COL4A4: variants seen among roughly 807,000 people sequenced by gnomAD.
The protein encoded by COL4A4 is collagen alpha-4(IV) chain.
In COL4A4, 105 loss-of-function variants were observed where a neutral mutation model predicts 192.9. The observed-to-expected ratio is 0.54, with a 90% confidence interval of 0.46 to 0.64. The LOEUF (loss-of-function observed/expected upper bound fraction) is 0.64. Ranked by LOEUF, COL4A4 falls within the 30% of genes least tolerant of loss-of-function variation. The probability of loss-of-function intolerance (pLI) is 0.00; values close to 1 mark genes in which losing one functional copy is unlikely to be tolerated. For missense variants in COL4A4, 1,967 were observed against 2,169.3 expected (o/e 0.91, Z 1.85); for synonymous variants, 762 against 769.9 (o/e 0.99, Z 0.17).
Position 227,005,044 on chromosome 2 carries a change from G to T in COL4A4, c.*2281C>A, listed in dbSNP as rs907555798. 3.9e-5 allele frequency: 6 copies of T among 152,142 alleles called. No homozygotes were observed. The East Asian group carries it at 1.2e-3, about 29-fold the overall frequency. 9.4% of individuals were successfully genotyped at this position (152,142 alleles called of 1,614,324 possible). A position where few individuals can be genotyped will look rare whatever the true frequency, so the allele number is the denominator to read the frequency against. On this transcript the variant is annotated 3_prime_UTR_variant, in exon 48 of 48. Coordinates refer to ENST00000396625, the MANE Select transcript of COL4A4 (RefSeq NM_000092.5). ...TTCTATTCCAAGAAGTTATTTTTCC[G>T]CCCTTTTGATCCTTTAAAATACTTT...
chr2:227,090,954 C>G (rs2150633983), intron 20 of COL4A4, among the ~76,000 whole-genome samples: 1 of 149,072 alleles, frequency 6.7e-6, no homozygotes, highest in African/African-American at 2.4e-5. Context: ...AGAAATGTCT[C>G]CTAAATTTCA....
intron 25 of COL4A4, among the ~76,000 whole-genome samples, chr2:227,073,671 C>T (rs1277664066): frequency 1.3e-5 from 2 of 152,096 alleles, no homozygotes; most frequent in African/African-American, 4.8e-5. Context: ...GTTACCAAAA[C>T]AGCATGGTAC....
downstream of COL4A4, among the ~76,000 whole-genome samples, chr2:227,002,434 G>T (rs1961220410): frequency 6.6e-6 from 1 of 152,222 alleles, no homozygotes; most frequent in South Asian, 2.1e-4. Flanking sequence ...GGCCAAGAGG[G>T]TGTAAGCCCC....
At chr2:227,090,481 G>A (rs1232324709) in intron 20 of COL4A4, among the ~76,000 whole-genome samples, 1 of 152,120 alleles carries the variant, frequency 6.6e-6, no homozygotes, top group Admixed American at 6.5e-5. Context: ...TGGTGCGATG[G>A]CTCACACCTG....
chr2:227,047,256 G>A (rs1295649944), intron 35 of COL4A4, among the ~76,000 whole-genome samples: 1 of 151,964 alleles, frequency 6.6e-6, no homozygotes, highest in African/African-American at 2.4e-5. Context: ...GAGCCATGAT[G>A]GAAAAATGAT....
Position 227,118,747 on chromosome 2 carries a change from AG to A in COL4A4, c.386del (p.Pro129LeufsTer10). ...GLDGIPGHPG[P>X]PGPRGKPGMS... ...TACCAGGTTTGCCTCTGGGTCCAGG[AG>A]GCCCTGGGTGCCCCTGCAGAAAACA... On this transcript the variant is annotated frameshift_variant, in exon 7 of 48. Transcript: ENST00000396625. LOFTEE classifies it high-confidence loss of function. 6.2e-7 allele frequency: 1 copy of A among 1,613,494 alleles called. No individual in the cohort carries two copies. Among genetic ancestry groups the A allele is most frequent in the South Asian group, 1.1e-5 (1 of 91,086 alleles).
chr2:227,072,637 A>G (rs1048396281), intron 25 of COL4A4, among the ~76,000 whole-genome samples: 1 of 151,996 alleles, frequency 6.6e-6, no homozygotes, highest in Admixed American at 6.6e-5. Context: ...CTTGATGAAC[A>G]TAGATGCAAA....
intron 7 of COL4A4, among the ~76,000 whole-genome samples, chr2:227,117,157 T>C (rs919221795): frequency 2.6e-5 from 4 of 152,236 alleles, no homozygotes; most frequent in Non-Finnish European, 4.4e-5. Flanking sequence ...CTTACTTTAC[T>C]GTGCAAAGTG....
At chr2:227,040,639 C>T (rs1267716403) in intron 37 of COL4A4, among the ~76,000 whole-genome samples, 2 of 150,250 alleles carry the variant, frequency 1.3e-5, no homozygotes, top group African/African-American at 2.5e-5. Flanking sequence ...GATATTGGCT[C>T]ACTGCAACCT....
intron 22 of COL4A4, among the ~76,000 whole-genome samples, chr2:227,087,951 A>G (rs2059692762): frequency 6.6e-6 from 1 of 152,122 alleles, no homozygotes; most frequent in Non-Finnish European, 1.5e-5. Flanking sequence ...ACCACATGAC[A>G]TACTGGATAT....
At chr2:227,107,191 G>A (rs2060896801) in intron 12 of COL4A4, among the ~76,000 whole-genome samples, 1 of 152,156 alleles carries the variant, frequency 6.6e-6, no homozygotes, top group Non-Finnish European at 1.5e-5. Context: ...GGGGGAAGGG[G>A]AAAGTAGTTA....
chr2:227,152,748 AG>A (rs1159788050), intron 1 of COL4A4, among the ~76,000 whole-genome samples: 1 of 152,214 alleles, frequency 6.6e-6, no homozygotes, highest in Non-Finnish European at 1.5e-5. Context: ...GTTTCAACAA[AG>A]CTTTTGACTG....
intron 25 of COL4A4, among the ~76,000 whole-genome samples, chr2:227,074,636 G>T (rs2058918079): frequency 6.6e-6 from 1 of 152,162 alleles, no homozygotes; most frequent in East Asian, 1.9e-4. Context: ...CAATTGCAAA[G>T]ATGTGGCACC....
chr2:227,036,459 C>T (rs1969697337), intron 37 of COL4A4, among the ~76,000 whole-genome samples: 2 of 152,178 alleles, frequency 1.3e-5, no homozygotes, highest in Admixed American at 1.3e-4. Flanking sequence ...GAAATACCCA[C>T]TCAGGCCCAG....
intron 20 of COL4A4, among the ~76,000 whole-genome samples, chr2:227,091,919 AAAG>A (rs1392024340): frequency 1.4e-4 from 4 of 28,032 alleles, no homozygotes; most frequent in Non-Finnish European, 2.0e-4. Context: ...AGAAAGAAAG[AAAG>A]AAAGAAAAGA....
At chr2:227,000,555 G>A (rs1400922036), downstream of COL4A4, among the ~76,000 whole-genome samples, 2 of 152,178 alleles carry the variant, frequency 1.3e-5, no homozygotes, top group Non-Finnish European at 2.9e-5. Context: ...TAGAGATAAT[G>A]TATGAAGGAA....
intron 45 of COL4A4, among the ~76,000 whole-genome samples, chr2:227,011,008 G>A (rs1190064793): frequency 2.0e-5 from 3 of 152,124 alleles, no homozygotes; most frequent in African/African-American, 4.8e-5. Flanking sequence ...GAAAGCCAAA[G>A]GCTTGGGATC....
upstream of COL4A4, chr2:227,164,465 A>C: frequency 1.3e-5 from 7 of 524,282 alleles, no homozygotes; most frequent in Admixed American, 3.4e-5. This position sits in a 1 kb window ranked among gnomAD's most constrained non-coding sequence, Gnocchi z 4.8. Context: ...ATGCCCGGGT[A>C]GAAGGGACAC....
rs1323832610 is a variant in COL4A4, at chr2:227,101,558, C to G, written c.976-1G>C. 3.7e-6 allele frequency: 6 copies of G among 1,608,258 alleles called. No homozygotes were observed. In the South Asian group the frequency reaches 6.6e-5, roughly 18 times the overall value. ...GATCTCCAACCAGTCCTAGTTCTCC[C>G]TACAAACAAGCACAAACATGCCTTA... On this transcript the variant is annotated splice_acceptor_variant, in intron 16 of 47. Transcript: ENST00000396625. LOFTEE classifies it high-confidence loss of function.
Sources: gnomAD v4.1 joint callset for allele counts (sites outside exome capture counted in the v4.1 genomes callset) on GRCh38, gnomAD v4.1.1 for gene constraint, Gnocchi (gnomAD v3.1) non-coding constraint, MANE v1.5 for transcripts, NCBI Gene and HGNC (gene_info 2026-07-23, HGNC 2026-07-21) for gene names.